Variants in PRR16 observed in about 807,000 individuals in gnomAD.
PRR16 encodes the protein protein Largen.
In PRR16, 6 loss-of-function variants were observed where a neutral mutation model predicts 18.2. That is an observed-to-expected ratio of 0.33 (90% CI 0.18 to 0.65). The LOEUF (loss-of-function observed/expected upper bound fraction) is 0.65. PRR16 is among the 30% of genes least tolerant of loss of function. The probability of loss-of-function intolerance (pLI) is 0.74; values close to 1 mark genes in which losing one functional copy is unlikely to be tolerated. For missense variants in PRR16, 412 were observed against 376.6 expected (o/e 1.09, Z -0.78); for synonymous variants, 151 against 147.8 (o/e 1.02, Z -0.16).
chr5:120,702,394 G>C, the PRR16 span, among the ~76,000 whole-genome samples: 1 of 151,848 alleles, frequency 6.6e-6, no homozygotes, highest in African/African-American at 2.4e-5. Context: ...GGGACTTGCC[G>C]CTAAGAGTGA....
the PRR16 span, among the ~76,000 whole-genome samples, chr5:120,701,579 A>G: frequency 6.6e-6 from 1 of 152,144 alleles, no homozygotes; most frequent in Admixed American, 6.6e-5. Context: ...GAGGTGATAA[A>G]AAGATTATAG....
chr5:120,689,690 T>C (rs1447163893), downstream of PRR16, among the ~76,000 whole-genome samples: 1 of 151,970 alleles, frequency 6.6e-6, no homozygotes, highest in African/African-American at 2.4e-5. Context: ...ATATCCATAC[T>C]GTAAAAATAG....
chr5:120,650,214 T>TAA (rs1273150513), intron 1 of PRR16, among the ~76,000 whole-genome samples: 1 of 126,408 alleles, frequency 7.9e-6, no homozygotes. Context: ...AGACTCCTTC[T>TAA]AAAAAAAAAA....
At chr5:120,771,988 G>C in the PRR16 span, among the ~76,000 whole-genome samples, 1 of 151,928 alleles carries the variant, frequency 6.6e-6, no homozygotes, top group Non-Finnish European at 1.5e-5. Context: ...ATGCCTCTGA[G>C]TGTCAGATTG....
intron 1 of PRR16, among the ~76,000 whole-genome samples, chr5:120,484,275 GAA>G (rs931350483): frequency 6.1e-5 from 9 of 147,034 alleles, no homozygotes; most frequent in African/African-American, 2.0e-4. Flanking sequence ...AGTTAAAAAA[GAA>G]AATAAATATA....
chr5:120,703,355 G>A, the PRR16 span, among the ~76,000 whole-genome samples: 469 of 152,322 alleles, frequency 3.1e-3, 3 homozygotes, highest in African/African-American at 0.011. Flanking sequence ...CCATCTGGGC[G>A]TATACGTGCA....
At chr5:120,528,313 G>C (rs2112662012) in intron 1 of PRR16, among the ~76,000 whole-genome samples, 1 of 152,290 alleles carries the variant, frequency 6.6e-6, no homozygotes, top group South Asian at 2.1e-4. Flanking sequence ...GTTGAGGAAA[G>C]TCAGGTGAAG....
chr5:120,651,918 G>A (rs946879777), intron 1 of PRR16, among the ~76,000 whole-genome samples: 35 of 152,030 alleles, frequency 2.3e-4, no homozygotes, highest in African/African-American at 8.0e-4. Context: ...ATTACCTTGG[G>A]CAGTATGGCC....
At chr5:120,675,359 A>G (rs1219967274) in intron 1 of PRR16, among the ~76,000 whole-genome samples, 1 of 152,184 alleles carries the variant, frequency 6.6e-6, no homozygotes, top group South Asian at 2.1e-4. Context: ...AGCTGTTACT[A>G]TGTTGCCAAT....
the PRR16 span, among the ~76,000 whole-genome samples, chr5:120,700,441 G>A: frequency 9.3e-5 from 14 of 150,254 alleles, no homozygotes; most frequent in East Asian, 1.9e-3. Context: ...GGGTTAAGGT[G>A]GGGGGATACA....
chr5:120,776,673 A>T, the PRR16 span, among the ~76,000 whole-genome samples: 1 of 152,068 alleles, frequency 6.6e-6, no homozygotes, highest in Non-Finnish European at 1.5e-5. Context: ...TTATTTCAAA[A>T]CAGAGAGATA....
the PRR16 span, among the ~76,000 whole-genome samples, chr5:120,774,053 A>G: frequency 7.9e-6 from 1 of 126,700 alleles, no homozygotes; most frequent in African/African-American, 3.5e-5. Flanking sequence ...TAGCTTTTAT[A>G]ATGTTTTATT....
intron 1 of PRR16, among the ~76,000 whole-genome samples, chr5:120,556,119 A>G (rs1368327192): frequency 6.6e-6 from 1 of 151,630 alleles, no homozygotes; most frequent in Non-Finnish European, 1.5e-5. Flanking sequence ...TTCCTACTCC[A>G]AAACATACAG....
At chr5:120,751,919 T>C in the PRR16 span, among the ~76,000 whole-genome samples, 1 of 152,120 alleles carries the variant, frequency 6.6e-6, no homozygotes, top group Non-Finnish European at 1.5e-5. Context: ...AATTATGTGA[T>C]ATTAAACTCC....
At chr5:120,584,927 C>T (rs1054238912) in intron 1 of PRR16, among the ~76,000 whole-genome samples, 2 of 152,098 alleles carry the variant, frequency 1.3e-5, no homozygotes, top group South Asian at 2.1e-4. Flanking sequence ...TTTCAATCTT[C>T]GTCAAAGCAG....
the PRR16 span, among the ~76,000 whole-genome samples, chr5:120,759,744 A>AT: frequency 6.6e-6 from 1 of 152,194 alleles, no homozygotes; most frequent in South Asian, 2.1e-4. Context: ...TAAATTAAAT[A>AT]TGAAACAATC....
the PRR16 span, among the ~76,000 whole-genome samples, chr5:120,726,137 A>C: frequency 6.6e-6 from 1 of 152,152 alleles, no homozygotes; most frequent in African/African-American, 2.4e-5. Flanking sequence ...CATAGACTGC[A>C]TGTGATTTTG....
the PRR16 span, among the ~76,000 whole-genome samples, chr5:120,695,778 T>C: frequency 4.6e-5 from 7 of 152,190 alleles, no homozygotes; most frequent in African/African-American, 1.7e-4. Context: ...GTCTAATTAC[T>C]GTTCCTCTGA....
intron 1 of PRR16, among the ~76,000 whole-genome samples, chr5:120,589,226 CTTT>C (rs964530267): frequency 6.6e-6 from 1 of 151,978 alleles, no homozygotes; most frequent in Admixed American, 6.6e-5. Flanking sequence ...AAAGTATGTT[CTTT>C]TTTAAAAATA....
Sources: gnomAD v4.1 joint callset for allele counts (sites outside exome capture counted in the v4.1 genomes callset) on GRCh38, gnomAD v4.1.1 for gene constraint, MANE v1.5 for transcripts, NCBI Gene and HGNC (gene_info 2026-07-23, HGNC 2026-07-21) for gene names.